Variants in CACNG3 observed in about 807,000 individuals in gnomAD.
CACNG3 encodes voltage-dependent calcium channel gamma-3 subunit.
A neutral mutation model predicts 28.5 loss-of-function variants in CACNG3; 3 were observed. That is an observed-to-expected ratio of 0.11 (90% CI 0.05 to 0.27). CACNG3 has a LOEUF of 0.27. Among genes scored for constraint, CACNG3 ranks in the 10% least tolerant of loss-of-function variants. The pLI, the probability that CACNG3 is intolerant of heterozygous loss-of-function variation, is 1.00. For missense variants in CACNG3, 236 were observed against 414.4 expected (o/e 0.57, Z 3.74); for synonymous variants, 174 against 162.2 (o/e 1.07, Z -0.55).
intron 1 of CACNG3, among the ~76,000 whole-genome samples, chr16:24,275,548 C>T (rs1317456793): frequency 6.6e-6 from 1 of 152,148 alleles, no homozygotes; most frequent in Non-Finnish European, 1.5e-5. Flanking sequence ...GAACTAGCTG[C>T]TTTTTTCCAT....
chr16:24,321,802 A>G (rs1054126399), intron 1 of CACNG3, among the ~76,000 whole-genome samples: 10 of 152,236 alleles, frequency 6.6e-5, no homozygotes, highest in Non-Finnish European at 1.3e-4. Context: ...ACAGTGAGTG[A>G]TAACTTTCAT....
At chr16:24,328,365 A>G (rs1899585793) in intron 1 of CACNG3, among the ~76,000 whole-genome samples, 1 of 150,494 alleles carries the variant, frequency 6.6e-6, no homozygotes, top group African/African-American at 2.5e-5. Flanking sequence ...TTGGTGAGAA[A>G]GATCTGGAGA....
chr16:24,321,454 T>C (rs1184388782), intron 1 of CACNG3, among the ~76,000 whole-genome samples: 1 of 151,936 alleles, frequency 6.6e-6, no homozygotes. Context: ...AATAAATAAA[T>C]AAATAAATAA....
Position 24,317,554 on chromosome 16 carries a change from A to AAAAGAAAGAAAG in CACNG3, c.212-29118_212-29107dup, listed in dbSNP as rs1202219518. Among the ~76,000 whole-genome samples, 141 of 85,350 alleles carry AAAAGAAAGAAAG rather than the reference A, an allele frequency of 1.7e-3. 2 individuals carry two copies. The highest frequency in any genetic ancestry group is 2.2e-3 in the Non-Finnish European group (95 of 43,930). 56.0% of individuals were successfully genotyped at this position (85,350 alleles called of 152,430 possible). A position where few individuals can be genotyped will look rare whatever the true frequency, so the allele number is the denominator to read the frequency against. ...GATTCTGTCTCAAAAAAAAAAAAGAAAAAGAAAGAAAGAAAGAAAGAAAGA... is the reference window on the plus strand; with the variant it reads ...GATTCTGTCTCAAAAAAAAAAAAGAAAAAGAAAGAAAGAAAGAAAGAAAGAAAGAAAGAAAGA... On this transcript the variant is annotated intron_variant, in intron 1 of 3. Coordinates refer to ENST00000005284, the MANE Select transcript of CACNG3 (RefSeq NM_006539.4).
At chr16:24,348,031 G>T (rs1351499549) in intron 2 of CACNG3, among the ~76,000 whole-genome samples, 1 of 152,110 alleles carries the variant, frequency 6.6e-6, no homozygotes, top group Non-Finnish European at 1.5e-5. Flanking sequence ...GCCTTCCATT[G>T]GTCAAGGCAC....
intron 1 of CACNG3, among the ~76,000 whole-genome samples, chr16:24,338,653 T>G (rs543083483): frequency 6.6e-6 from 1 of 152,240 alleles, no homozygotes; most frequent in African/African-American, 2.4e-5. Flanking sequence ...CCCCAGTGTT[T>G]TGTATCTTTC....
chr16:24,279,321 TCTCA>T (rs1898790556), intron 1 of CACNG3, among the ~76,000 whole-genome samples: 1 of 152,138 alleles, frequency 6.6e-6, no homozygotes, highest in African/African-American at 2.4e-5. Flanking sequence ...TGAGACAGGG[TCTCA>T]CTCTGTTGGC....
chr16:24,321,497 G>T (rs750257512), intron 1 of CACNG3, among the ~76,000 whole-genome samples: 1 of 152,068 alleles, frequency 6.6e-6, no homozygotes, highest in East Asian at 1.9e-4. Flanking sequence ...GAGTTGTCTC[G>T]GTTATCAGAT....
intron 1 of CACNG3, among the ~76,000 whole-genome samples, chr16:24,264,695 G>A (rs1462643002): frequency 2.6e-5 from 4 of 152,226 alleles, no homozygotes; most frequent in South Asian, 2.1e-4. Flanking sequence ...GAATCTAAAC[G>A]AGGAAGGAGC....
intron 1 of CACNG3, among the ~76,000 whole-genome samples, chr16:24,267,130 C>T (rs770814450): frequency 6.6e-6 from 1 of 151,908 alleles, no homozygotes; most frequent in Non-Finnish European, 1.5e-5. Flanking sequence ...CCACACCTGG[C>T]TAATTTTTTA....
chr16:24,277,920 G>A (rs2141349987), intron 1 of CACNG3, among the ~76,000 whole-genome samples: 1 of 152,170 alleles, frequency 6.6e-6, no homozygotes, highest in African/African-American at 2.4e-5. Flanking sequence ...TTACTATGTT[G>A]CCCAGGCTGG....
intron 1 of CACNG3, among the ~76,000 whole-genome samples, chr16:24,285,317 G>T (rs543377881): frequency 2.6e-5 from 4 of 152,248 alleles, no homozygotes; most frequent in African/African-American, 9.6e-5. Flanking sequence ...ATTGTTTAAG[G>T]TCTCTCTTCA....
intron 1 of CACNG3, among the ~76,000 whole-genome samples, chr16:24,289,102 T>A (rs1898931561): frequency 6.6e-6 from 1 of 152,094 alleles, no homozygotes; most frequent in African/African-American, 2.4e-5. Flanking sequence ...GGAAACCGCA[T>A]GTCTACAAAG....
chr16:24,339,909 A>G (rs958298159), intron 1 of CACNG3, among the ~76,000 whole-genome samples: 6 of 152,228 alleles, frequency 3.9e-5, no homozygotes, highest in African/African-American at 1.4e-4. Context: ...AAGTGTCAGA[A>G]GTTACAGCTA....
intron 1 of CACNG3, among the ~76,000 whole-genome samples, chr16:24,296,035 A>G (rs1451834373): frequency 6.6e-6 from 1 of 152,194 alleles, no homozygotes; most frequent in African/African-American, 2.4e-5. Flanking sequence ...TCTAAGGAGG[A>G]GGACAATTTT....
At chr16:24,266,393 G>A (rs568063687) in intron 1 of CACNG3, among the ~76,000 whole-genome samples, 1 of 152,260 alleles carries the variant, frequency 6.6e-6, no homozygotes, top group Admixed American at 6.5e-5. Flanking sequence ...GCACTTCTAT[G>A]AAAGAATCTC....
At chr16:24,350,039 G>C (rs971803265) in intron 2 of CACNG3, among the ~76,000 whole-genome samples, 11 of 151,052 alleles carry the variant, frequency 7.3e-5, no homozygotes, top group African/African-American at 2.7e-4. Flanking sequence ...TATAGTTTGG[G>C]GGGAGAAACA....
chr16:24,298,857 C>T (rs1899068256), intron 1 of CACNG3, among the ~76,000 whole-genome samples: 1 of 152,222 alleles, frequency 6.6e-6, no homozygotes, highest in South Asian at 2.1e-4. Flanking sequence ...CCTCAATTTG[C>T]CTTGGGCTGT....
At chr16:24,321,473 G>T (rs1215235152) in intron 1 of CACNG3, among the ~76,000 whole-genome samples, 12 of 152,038 alleles carry the variant, frequency 7.9e-5, no homozygotes, top group Admixed American at 7.9e-4. Flanking sequence ...AAAAATAAAA[G>T]AAATAGAAAT....
Sources: gnomAD v4.1 joint callset for allele counts (sites outside exome capture counted in the v4.1 genomes callset) on GRCh38, gnomAD v4.1.1 for gene constraint, MANE v1.5 for transcripts, NCBI Gene and HGNC (gene_info 2026-07-23, HGNC 2026-07-21) for gene names.